WFDC3: variants seen among roughly 807,000 people sequenced by gnomAD.
The protein encoded by WFDC3 is WAP four-disulfide core domain protein 3.
A neutral mutation model predicts 25.8 loss-of-function variants in WFDC3; 15 were observed. The observed-to-expected ratio is 0.58, with a 90% confidence interval of 0.39 to 0.89. The LOEUF (loss-of-function observed/expected upper bound fraction) is 0.89, where lower values mean the gene tolerates loss of function less well. Among genes scored for constraint, WFDC3 ranks in the 40% least tolerant of loss-of-function variants. WFDC3 has a pLI of 0.00. For missense variants in WFDC3, 264 were observed against 289.8 expected (o/e 0.91, Z 0.65); for synonymous variants, 103 against 107.1 (o/e 0.96, Z 0.24).
At position 45,787,943 on chromosome 20, in the gene WFDC3, G is replaced by A; in HGVS notation, c.251C>T (p.Ser84Phe). Reference protein sequence around the residue: ...RDCPRVIRKQSCLKRCITDET... With the variant: ...RDCPRVIRKQFCLKRCITDET... ...ATCAGTGATGCACCTTTTCAAACAG[G>A]ATTGTTTCCGAATAACCCTAGGGCA... is the stretch of plus-strand genomic sequence containing the variant. Residue 84 changes from serine (S) to phenylalanine (F), a missense_variant, in exon 4 of 7, where the codon TCC (serine) becomes TTC (phenylalanine). Physicochemically the swap from Ser to Phe is radical, Grantham distance 155 (BLOSUM62 -2). Coordinates refer to ENST00000243938, the MANE Select transcript of WFDC3 (RefSeq NM_080614.2). 1 of 1,613,950 alleles carries A rather than the reference G, an allele frequency of 6.2e-7. No individual in the cohort carries two copies.
chr20:45,777,240 C>T (rs373896652), intron 4 of WFDC3, 31 bp from the exon 5 acceptor site: 47 of 1,465,888 alleles, frequency 3.2e-5, no homozygotes, highest in African/African-American at 7.2e-5. Context: ...AGCCCAGAGA[C>T]GCTCACAATA....
chr20:45,779,380 G>C (rs1035363742), intron 4 of WFDC3, among the ~76,000 whole-genome samples: 1 of 152,192 alleles, frequency 6.6e-6, no homozygotes. Context: ...GATGGAAAAA[G>C]CAAGTATTGG....
chr20:45,776,282 G>C (rs1411775058), intron 5 of WFDC3, among the ~76,000 whole-genome samples: 4 of 114,640 alleles, frequency 3.5e-5, no homozygotes, highest in African/African-American at 6.9e-5. Flanking sequence ...TTATCTCTGT[G>C]TGTGTGTGTG....
intron 3 of WFDC3, 65 bp from the exon 4 acceptor site, chr20:45,788,047 T>G (rs967996631): frequency 6.5e-7 from 1 of 1,539,896 alleles, no homozygotes; most frequent in African/African-American, 1.4e-5. Context: ...CTCACACCTG[T>G]AATCCCAGCA....
chr20:45,781,727 C>T (rs945873118), intron 4 of WFDC3, among the ~76,000 whole-genome samples: 2 of 152,186 alleles, frequency 1.3e-5, no homozygotes, highest in African/African-American at 4.8e-5. Flanking sequence ...CTGCCTAGCA[C>T]GTACCAAGAT....
chr20:45,785,784 T>G (rs528686251), intron 4 of WFDC3, among the ~76,000 whole-genome samples: 12 of 152,118 alleles, frequency 7.9e-5, no homozygotes, highest in African/African-American at 2.9e-4. Context: ...GGAGAAGGAA[T>G]AGAGCAGAGA....
Position 45,774,324 on chromosome 20 carries a change from A to G in WFDC3, c.*104T>C, listed in dbSNP as rs1980036003. On this transcript the variant is annotated 3_prime_UTR_variant, in exon 7 of 7. Coordinates refer to ENST00000243938, the MANE Select transcript of WFDC3 (RefSeq NM_080614.2). ...GAGGAGAAGCAGAGCAGAGAGGGCC[A>G]TGAGTGCCCCTGGAAATGTCACAAG... 12 of 1,509,408 alleles carry G rather than the reference A, an allele frequency of 8.0e-6. No individual in the cohort carries two copies. The highest frequency in any genetic ancestry group is 1.1e-5 in the Non-Finnish European group (12 of 1,085,680). 93.5% of individuals were successfully genotyped at this position (1,509,408 alleles called of 1,614,324 possible). A position where few individuals can be genotyped will look rare whatever the true frequency, so the allele number is the denominator to read the frequency against.
intron 5 of WFDC3, among the ~76,000 whole-genome samples, chr20:45,776,605 AAAAAAAAGAAAAAAAAG>A (rs1274778304): frequency 0.081 from 3,209 of 39,848 alleles, 69 homozygotes; most frequent in South Asian, 0.11. Flanking sequence ...CTCAAAAAAA[AAAAAAAAGAAAAAAAAG>A]AAAAAAAAAA....
At chr20:45,776,321 T>TATG (rs1980151592) in intron 5 of WFDC3, among the ~76,000 whole-genome samples, 4 of 149,004 alleles carry the variant, frequency 2.7e-5, no homozygotes, top group African/African-American at 9.9e-5. Context: ...TGTGTGTGTG[T>TATG]TTCCAGCTGG....
At chr20:45,775,118 C>A (rs931584738) in intron 6 of WFDC3, among the ~76,000 whole-genome samples, 1 of 152,072 alleles carries the variant, frequency 6.6e-6, no homozygotes, top group Non-Finnish European at 1.5e-5. Flanking sequence ...TCTGCCTAGC[C>A]TTAAGCACCT....
intron 6 of WFDC3, 129 bp downstream of exon 6, chr20:45,775,288 C>T: frequency 7.6e-7 from 1 of 1,311,792 alleles, no homozygotes; most frequent in South Asian, 1.4e-5. Flanking sequence ...GGGTTTTCAT[C>T]TGGGACATAG....
intron 4 of WFDC3, among the ~76,000 whole-genome samples, chr20:45,780,875 T>C (rs2145684597): frequency 6.6e-6 from 1 of 152,250 alleles, no homozygotes; most frequent in South Asian, 2.1e-4. Context: ...AGAGAGGGAT[T>C]GGCCTGAGGT....
intron 5 of WFDC3, 69 bp from the exon 6 acceptor site, chr20:45,775,671 AACTTAC>A: frequency 1.3e-6 from 2 of 1,586,164 alleles, no homozygotes; most frequent in Non-Finnish European, 1.7e-6. Context: ...TCCCATCGTG[AACTTAC>A]ACACAGAGGC....
chr20:45,777,231 G>T, intron 4 of WFDC3, 22 bp from the exon 5 acceptor site: 1 of 1,482,224 alleles, frequency 6.7e-7, no homozygotes, highest in East Asian at 2.5e-5. Context: ...AAGCATTGGA[G>T]CCCAGAGACG....
intron 3 of WFDC3, chr20:45,788,292 G>A (rs367888028): frequency 1.5e-3 from 257 of 170,498 alleles, no homozygotes; most frequent in African/African-American, 5.5e-3. Context: ...CAACAAGAGC[G>A]AAACTCCGTC....
chr20:45,775,484 G>A lies in WFDC3; in HGVS notation c.612C>T (p.Val204=). The A allele has an allele frequency of 6.2e-7, 1 of 1,614,228 alleles. No individual in the cohort carries two copies. Among genetic ancestry groups the A allele is most frequent in the Non-Finnish European group, 8.5e-7 (1 of 1,180,038 alleles). The change falls in exon 6 of 7, where the codon GTC becomes GTT. Residue 204 remains valine, a synonymous_variant. Transcript: ENST00000243938. ...CCKSGCGRFC[V]PPVLPPKLTM... ...TCAGTTTTGGGGGCAGGACTGGTGG[G>A]ACACAGAAGCGGCCACAGCCTGACT...
At chr20:45,780,930 G>A (rs1001593400) in intron 4 of WFDC3, among the ~76,000 whole-genome samples, 1 of 152,062 alleles carries the variant, frequency 6.6e-6, no homozygotes, top group African/African-American at 2.4e-5. Context: ...TCTGATATAA[G>A]GTCTCATGCC....
At chr20:45,786,482 G>A (rs530434995) in intron 4 of WFDC3, among the ~76,000 whole-genome samples, 3 of 152,328 alleles carry the variant, frequency 2.0e-5, no homozygotes, top group Non-Finnish European at 4.4e-5. Context: ...ATCAGAGTTT[G>A]AAATTATATA....
Position 45,775,596 on chromosome 20 carries a change from C to G in WFDC3, c.500G>C (p.Gly167Ala), listed in dbSNP as rs1980106344. Residue 167 changes from glycine (G) to alanine (A), a missense_variant, in exon 6 of 7, where the codon GGC (glycine) becomes GCC (alanine). Physicochemically the swap from Gly to Ala is moderately conservative, Grantham distance 60 (BLOSUM62 0). Transcript: ENST00000243938. The stretch of plus-strand genomic sequence containing the variant: ...CACCAGAACTTTTGGACAATCACCG[C>G]CCCGCCCTGTGGGAACAACAGGCAC... ...TCLGDIEGGR[G>A]GDCPKVLVGL... 6.2e-7 allele frequency: 1 copy of G among 1,614,152 alleles called. No individual in the cohort carries two copies. Among genetic ancestry groups the G allele is most frequent in the African/African-American group, 1.3e-5 (1 of 75,050 alleles).
Sources: allele counts gnomAD v4.1 joint callset (sites outside exome capture counted in the v4.1 genomes callset), GRCh38; gene constraint gnomAD v4.1.1; transcripts MANE v1.5; gene names NCBI Gene and HGNC (gene_info 2026-07-23, HGNC 2026-07-21).